STXBP4: variants seen among roughly 807,000 people sequenced by gnomAD.
The protein encoded by STXBP4 is syntaxin binding protein 4, also known as syntaxin-binding protein 4.
STXBP4 carries 55 observed loss-of-function variants against 76.1 expected under a neutral mutation model. The ratio of observed to expected loss-of-function variants is 0.72; its 90% CI spans 0.58 to 0.91. The LOEUF is 0.91. STXBP4 is among the 40% of genes least tolerant of loss of function. STXBP4 has a pLI of 0.00. For synonymous variants in STXBP4, 201 were observed against 220.2 expected, an observed-to-expected ratio of 0.91 and a Z score of 0.77; for missense variants, 618 against 636.9, an observed-to-expected ratio of 0.97 and a Z score of 0.32.
At chr17:55,098,329 A>C (rs2079519944) in intron 16 of STXBP4, among the ~76,000 whole-genome samples, 3 of 152,188 alleles carry the variant, frequency 2.0e-5, no homozygotes, top group Admixed American at 1.3e-4. Context: ...TTGAAATAAT[A>C]AAGAAGTTTA....
intron 17 of STXBP4, among the ~76,000 whole-genome samples, chr17:55,141,901 A>G (rs2145152019): frequency 6.6e-6 from 1 of 152,344 alleles, no homozygotes; most frequent in South Asian, 2.1e-4. Flanking sequence ...AAAAACAGAC[A>G]GTAGATAAAT....
intron 8 of STXBP4, among the ~76,000 whole-genome samples, chr17:55,009,183 C>G (rs1340693091): frequency 6.6e-6 from 1 of 152,168 alleles, no homozygotes; most frequent in Non-Finnish European, 1.5e-5. Context: ...TTTATACTTT[C>G]AAAATCCTGA....
intron 16 of STXBP4, among the ~76,000 whole-genome samples, chr17:55,089,375 A>G (rs1303627256): frequency 6.6e-6 from 1 of 152,204 alleles, no homozygotes; most frequent in African/African-American, 2.4e-5. Context: ...TTTTCATAAT[A>G]TGTATCATTT....
intron 4 of STXBP4, among the ~76,000 whole-genome samples, chr17:54,994,853 C>T (rs2077775229): frequency 6.6e-6 from 1 of 151,106 alleles, no homozygotes; most frequent in Non-Finnish European, 1.5e-5. Flanking sequence ...CCTTAGGAAA[C>T]AGCACTCCAT....
chr17:55,052,916 C>CGT (rs59163531), intron 12 of STXBP4, among the ~76,000 whole-genome samples: 21,599 of 95,298 alleles, frequency 0.23, 2,366 homozygotes, highest in Non-Finnish European at 0.25. Flanking sequence ...ACGTGTATGA[C>CGT]GTGTGTGTGT....
chr17:55,149,056 G>A (rs1318562863), intron 17 of STXBP4, among the ~76,000 whole-genome samples: 2 of 152,118 alleles, frequency 1.3e-5, no homozygotes, highest in African/African-American at 4.8e-5. Context: ...AGAATTCTGG[G>A]CATTTTATTC....
chr17:55,063,386 A>C (rs923684592), intron 12 of STXBP4, among the ~76,000 whole-genome samples: 1 of 152,242 alleles, frequency 6.6e-6, no homozygotes, highest in African/African-American at 2.4e-5. Context: ...GCAATTCTTC[A>C]TAGGAACCTT....
At chr17:55,087,500 A>C (rs1476777883) in intron 16 of STXBP4, among the ~76,000 whole-genome samples, 1 of 152,174 alleles carries the variant, frequency 6.6e-6, no homozygotes, top group Non-Finnish European at 1.5e-5. Context: ...CGTTTGTTGA[A>C]GAGACTATCC....
intron 1 of STXBP4, among the ~76,000 whole-genome samples, chr17:54,982,455 T>C (rs2077563445): frequency 6.6e-6 from 1 of 152,182 alleles, no homozygotes. Flanking sequence ...ACTTTCTCTG[T>C]TTTTGCTGAC....
chr17:55,038,299 C>T (rs1379063352), intron 10 of STXBP4, among the ~76,000 whole-genome samples: 1 of 152,120 alleles, frequency 6.6e-6, no homozygotes, highest in African/African-American at 2.4e-5. Context: ...CCTTCCCAGT[C>T]AGCCGCCACT....
chr17:55,173,893 G>A (rs1455302467), downstream of STXBP4, among the ~76,000 whole-genome samples: 1 of 152,162 alleles, frequency 6.6e-6, no homozygotes, highest in Non-Finnish European at 1.5e-5. Context: ...TCAGTTCCTT[G>A]AGGTCATAGA....
At chr17:55,063,416 C>T (rs184574280) in intron 12 of STXBP4, among the ~76,000 whole-genome samples, 8 of 152,238 alleles carry the variant, frequency 5.3e-5, no homozygotes, top group Admixed American at 2.0e-4. Flanking sequence ...TTGATTATTA[C>T]CTATAGTAGG....
intron 17 of STXBP4, among the ~76,000 whole-genome samples, chr17:55,153,361 A>G (rs244293): frequency 0.61 from 92,220 of 152,026 alleles, 28,348 homozygotes; most frequent in African/African-American, 0.68. Context: ...GCATTTATAC[A>G]TGACGGAATC....
intron 8 of STXBP4, among the ~76,000 whole-genome samples, chr17:55,016,603 C>T (rs1247121348): frequency 6.6e-6 from 1 of 152,190 alleles, no homozygotes; most frequent in Admixed American, 6.5e-5. Flanking sequence ...ACAAGATCCT[C>T]GCTATCAATT....
intron 6 of STXBP4, 43 bp downstream of exon 6, chr17:54,999,885 A>C: frequency 7.7e-7 from 1 of 1,294,046 alleles, no homozygotes; most frequent in Non-Finnish European, 1.1e-6. Flanking sequence ...TGCACTCCAT[A>C]AATTCCCTAT....
At chr17:55,129,021 C>T (rs1384950580) in intron 16 of STXBP4, among the ~76,000 whole-genome samples, 1 of 150,454 alleles carries the variant, frequency 6.6e-6, no homozygotes, top group Admixed American at 6.6e-5. Context: ...CCTCCATCTC[C>T]TGGGTTCAAG....
At chr17:55,012,951 C>T (rs2078140359) in intron 8 of STXBP4, among the ~76,000 whole-genome samples, 1 of 152,198 alleles carries the variant, frequency 6.6e-6, no homozygotes, top group Non-Finnish European at 1.5e-5. Flanking sequence ...TGCACAAGTG[C>T]ACAGTTGCAG....
rs1183694641 is a variant in STXBP4 at position 55,078,090 on chromosome 17, G to A, written c.1201G>A (p.Asp401Asn). The part of the protein sequence containing the change: ...YSDQNKESVQ[D>N]LKKRIMVLDC... ...TATCTCTGTGCAGGAAAGTGTTCAG[G>A]ATTTAAAAAAGAGAATCATGGTACT... The change falls in exon 14 of 18, where the codon GAT becomes AAT. Residue 401 changes from aspartate to asparagine, a missense_variant. Transcript: ENST00000376352. The A allele has an allele frequency of 6.2e-7, 1 of 1,608,312 alleles. No individual in the cohort carries two copies.
intron 8 of STXBP4, among the ~76,000 whole-genome samples, chr17:55,014,753 T>C (rs2078175049): frequency 6.6e-6 from 1 of 152,184 alleles, no homozygotes; most frequent in Admixed American, 6.5e-5. Flanking sequence ...ATAAGGGGTA[T>C]GGACAAGGGG....
Sources: gnomAD v4.1 joint callset for allele counts (sites outside exome capture counted in the v4.1 genomes callset) on GRCh38, gnomAD v4.1.1 for gene constraint, MANE v1.5 for transcripts, NCBI Gene and HGNC (gene_info 2026-07-23, HGNC 2026-07-21) for gene names.